Variants in RBMS1 observed in about 807,000 individuals in gnomAD.
The protein encoded by RBMS1 is RNA binding motif single stranded interacting protein 1.
A neutral mutation model predicts 62.3 loss-of-function variants in RBMS1; 17 were observed. The observed-to-expected ratio is 0.27, with a 90% CI of 0.19 to 0.41. RBMS1 has a LOEUF of 0.41. RBMS1 is among the 10% of genes least tolerant of loss of function. The pLI is 1.00. For synonymous variants in RBMS1, 172 were observed against 170.0 expected, an observed-to-expected ratio of 1.01 and a Z score of -0.09; for missense variants, 334 against 504.5, an observed-to-expected ratio of 0.66 and a Z score of 3.24.
chr2:160,466,045 CAA>C (rs1684679372), intron 1 of RBMS1, among the ~76,000 whole-genome samples: 1 of 152,130 alleles, frequency 6.6e-6, no homozygotes, highest in Admixed American at 6.5e-5. Context: ...AATATACACA[CAA>C]AGTGTTTTAA....
At chr2:160,351,323 TAATA>T (rs1004473736) in intron 2 of RBMS1, among the ~76,000 whole-genome samples, 58 of 151,332 alleles carry the variant, frequency 3.8e-4, no homozygotes, top group African/African-American at 1.4e-3. Flanking sequence ...ACTTAAAGTA[TAATA>T]AATAATAAAA....
At chr2:160,406,769 C>T (rs953201295) in intron 1 of RBMS1, among the ~76,000 whole-genome samples, 3 of 152,152 alleles carry the variant, frequency 2.0e-5, no homozygotes, top group Non-Finnish European at 4.4e-5. Flanking sequence ...ATTCCTTTTC[C>T]CAGCAGGGGA....
At chr2:160,370,589 T>G (rs1180660438) in intron 1 of RBMS1, among the ~76,000 whole-genome samples, 4 of 152,224 alleles carry the variant, frequency 2.6e-5, no homozygotes, top group African/African-American at 9.6e-5. Context: ...CAAAAAAGGT[T>G]AGGCCATGTG....
intron 4 of RBMS1, among the ~76,000 whole-genome samples, chr2:160,308,031 C>T (rs954160095): frequency 1.3e-5 from 2 of 152,044 alleles, no homozygotes; most frequent in Non-Finnish European, 2.9e-5. Context: ...ATGAATTTTC[C>T]TGATTAGTTC....
At chr2:160,276,336 T>C (rs1687829754) in intron 12 of RBMS1, among the ~76,000 whole-genome samples, 1 of 150,858 alleles carries the variant, frequency 6.6e-6, no homozygotes, top group Non-Finnish European at 1.5e-5. Context: ...AGTAAAATAC[T>C]ACTACCACCA....
chr2:160,389,694 G>T (rs1694756584), intron 1 of RBMS1, among the ~76,000 whole-genome samples: 1 of 65,150 alleles, frequency 1.5e-5, no homozygotes, highest in Non-Finnish European at 2.5e-5. Context: ...CAAGACTCTT[G>T]TCTCAAAAAA....
Position 160,426,335 on chromosome 2 carries a change from A to AAGGAAGGAAGGG in RBMS1, c.76-58945_76-58944insCCCTTCCTTCCT, listed in dbSNP as rs58658592. Among the ~76,000 whole-genome samples the AAGGAAGGAAGGG allele has an allele frequency of 1.4e-4, 13 of 93,240 alleles. 1 individual carries two copies. Among genetic ancestry groups the AAGGAAGGAAGGG allele is most frequent in the Non-Finnish European group, 2.8e-4 (12 of 42,952 alleles). The allele number at this position is 93,240 out of a possible 152,430, so 61.2% of individuals were successfully genotyped here. ...GAAGGAAGGAAGGAAGGAAGGAAGG[A>AAGGAAGGAAGGG]AAGGAAGGAAGGAAAGAGGGAAGGA... On this transcript the variant is annotated intron_variant, in intron 1 of 13. Transcript: ENST00000348849.
At chr2:160,386,364 C>T (rs371245334) in intron 1 of RBMS1, among the ~76,000 whole-genome samples, 1 of 152,068 alleles carries the variant, frequency 6.6e-6, no homozygotes, top group African/African-American at 2.4e-5. Context: ...AGTGAAACAC[C>T]GTCTTTACTA....
At chr2:160,464,923 G>A (rs1684623626) in intron 1 of RBMS1, among the ~76,000 whole-genome samples, 1 of 152,190 alleles carries the variant, frequency 6.6e-6, no homozygotes, top group Non-Finnish European at 1.5e-5. Context: ...GTTTGATATT[G>A]TCCAAGAATA....
chr2:160,404,276 C>G (rs1695581479), intron 1 of RBMS1, among the ~76,000 whole-genome samples: 1 of 152,038 alleles, frequency 6.6e-6, no homozygotes, highest in African/African-American at 2.4e-5. Context: ...CCTGTTGATC[C>G]CAGATGATGC....
intron 2 of RBMS1, 167 bp downstream of exon 2, chr2:160,367,049 T>C (rs1693437390): frequency 7.3e-6 from 4 of 549,418 alleles, no homozygotes; most frequent in Non-Finnish European, 8.9e-6. Flanking sequence ...TAATATTGAC[T>C]CAAAAAGTAT....
chr2:160,367,413 C>CCTTA (rs1559454333), intron 1 of RBMS1, 22 bp from the exon 2 acceptor site: 1 of 1,612,570 alleles, frequency 6.2e-7, no homozygotes, highest in Non-Finnish European at 8.5e-7. Flanking sequence ...AGATCAGGAG[C>CCTTA]CTTAGTATGC....
At chr2:160,463,736 G>A (rs1684567573) in intron 1 of RBMS1, among the ~76,000 whole-genome samples, 1 of 152,178 alleles carries the variant, frequency 6.6e-6, no homozygotes, top group Non-Finnish European at 1.5e-5. Flanking sequence ...AGTGAGCTGA[G>A]ATTGCACCAT....
At chr2:160,477,322 G>C (rs1417656073) in intron 1 of RBMS1, among the ~76,000 whole-genome samples, 2 of 152,186 alleles carry the variant, frequency 1.3e-5, no homozygotes, top group East Asian at 3.9e-4. Context: ...ATTCCAGCCT[G>C]GGCTACAGAG....
At chr2:160,390,419 G>T (rs1694795984) in intron 1 of RBMS1, among the ~76,000 whole-genome samples, 2 of 152,218 alleles carry the variant, frequency 1.3e-5, no homozygotes, top group Non-Finnish European at 2.9e-5. Flanking sequence ...GCTCAAGACT[G>T]ATGGCTCATG....
intron 6 of RBMS1, among the ~76,000 whole-genome samples, chr2:160,291,782 T>C (rs1158232328): frequency 1.8e-4 from 28 of 152,344 alleles, no homozygotes; most frequent in Admixed American, 1.6e-3. Context: ...GAAATTCTCC[T>C]TCACCTCACT....
chr2:160,456,867 A>G lies in RBMS1; in HGVS notation c.75+36422T>C, dbSNP rs1320868478. 2.0e-5 allele frequency among the ~76,000 whole-genome samples: 3 copies of G among 152,010 alleles called. No homozygotes were observed. The East Asian group carries it at 5.8e-4, about 29-fold the overall frequency. On this transcript the variant is annotated intron_variant, in intron 1 of 13. Coordinates refer to ENST00000348849, the MANE Select transcript of RBMS1 (RefSeq NM_016836.4). ...CAGTTCAATTCAATACATTTTTCAC[A>G]AAGTCTACTTTGACCTGTACTTGTT...
intron 1 of RBMS1, among the ~76,000 whole-genome samples, chr2:160,423,783 C>G (rs1162648760): frequency 3.9e-5 from 6 of 152,116 alleles, no homozygotes; most frequent in Non-Finnish European, 7.3e-5. Flanking sequence ...TCCTTGAGGT[C>G]CTGTGTCCCC....
intron 1 of RBMS1, among the ~76,000 whole-genome samples, chr2:160,443,223 C>CAA (rs74743720): frequency 5.2e-5 from 7 of 135,324 alleles, no homozygotes; most frequent in South Asian, 4.7e-4. Flanking sequence ...AAAAAAAAAA[C>CAA]AAAAAAAAAA....
Sources: allele counts gnomAD v4.1 joint callset (sites outside exome capture counted in the v4.1 genomes callset), GRCh38; gene constraint gnomAD v4.1.1; transcripts MANE v1.5; gene names NCBI Gene and HGNC (gene_info 2026-07-23, HGNC 2026-07-21).